ABCC5: variants seen among roughly 807,000 people sequenced by gnomAD.
ABCC5 encodes ATP binding cassette subfamily C member 5, also known as ATP-binding cassette sub-family C member 5.
A neutral mutation model predicts 160.9 loss-of-function variants in ABCC5; 61 were observed. The ratio of observed to expected loss-of-function variants is 0.38; its 90% CI spans 0.31 to 0.47. The LOEUF (loss-of-function observed/expected upper bound fraction) is 0.47, where lower values mean the gene tolerates loss of function less well. Among genes scored for constraint, ABCC5 ranks in the 20% least tolerant of loss-of-function variants. ABCC5 has a pLI of 0.99. For synonymous variants in ABCC5, 666 were observed against 700.6 expected, an observed-to-expected ratio of 0.95 and a Z score of 0.78; for missense variants, 1,308 against 1,813.3, an observed-to-expected ratio of 0.72 and a Z score of 5.06.
chr3:183,965,346 G>A, intron 13 of ABCC5, 31 bp downstream of exon 13: 1 of 1,614,160 alleles, frequency 6.2e-7, no homozygotes, highest in South Asian at 1.1e-5. Flanking sequence ...GGCCAAGATG[G>A]AAAGCATGAC....
In ABCC5 at chr3:183,978,546, A is replaced by T; in HGVS notation, c.1253T>A (p.Phe418Tyr). Reference protein sequence around the residue: ...IVVVIASVVTFSVHMTLGFDL... With the variant: ...IVVVIASVVTYSVHMTLGFDL... ...GAAGCCCAGGGTCATATGAACAGAG[A>T]AGGTCACCACGCTGGCAATCACCAC... The change falls in exon 9 of 30, where the codon TTC (phenylalanine) becomes TAC (tyrosine). Residue 418 changes from phenylalanine (F) to tyrosine (Y), a missense_variant. Coordinates refer to ENST00000334444, the MANE Select transcript of ABCC5 (RefSeq NM_005688.4). The T allele has an allele frequency of 6.2e-7, 1 of 1,614,154 alleles. No individual in the cohort carries two copies. The highest frequency in any genetic ancestry group is 8.5e-7 in the Non-Finnish European group (1 of 1,180,022).
At chr3:183,953,054 CACAGA>C (rs1715533248) in intron 18 of ABCC5, 27 bp downstream of exon 18, 2 of 1,595,424 alleles carry the variant, frequency 1.3e-6, no homozygotes, top group African/African-American at 2.7e-5. Context: ...CATTCTTAGA[CACAGA>C]ACTTTCCCAT....
In ABCC5 at chr3:183,978,529, G is replaced by C. The variant is rs747781456; in HGVS notation, c.1270C>G (p.Leu424Val). 37 of 1,613,912 alleles carry C rather than the reference G, an allele frequency of 2.3e-5. No individual in the cohort carries two copies. Among genetic ancestry groups the C allele is most frequent in the Admixed American group, 5.0e-5 (3 of 59,982 alleles). Residue 424 changes from leucine (L) to valine (V), a missense_variant, in exon 9 of 30, where the codon CTG becomes GTG. Coordinates refer to ENST00000334444, the MANE Select transcript of ABCC5 (RefSeq NM_005688.4). ...SVVTFSVHMTLGFDLTAAQAF... is the reference protein window; with the variant it reads ...SVVTFSVHMTVGFDLTAAQAF... The stretch of plus-strand genomic sequence containing the variant: ...TGTGCTGCTGTCAGATCGAAGCCCA[G>C]GGTCATATGAACAGAGAAGGTCACC...
chr3:183,981,059 C>T (rs145576465), intron 8 of ABCC5, among the ~76,000 whole-genome samples: 20 of 152,328 alleles, frequency 1.3e-4, no homozygotes, highest in Non-Finnish European at 2.2e-4. Context: ...GACTGTTTCA[C>T]AGCACTGGAC....
intron 2 of ABCC5, among the ~76,000 whole-genome samples, chr3:184,007,586 G>C (rs1031220852): frequency 2.6e-5 from 4 of 152,074 alleles, no homozygotes; most frequent in African/African-American, 7.2e-5. Context: ...AGCACTTTGA[G>C]AGGCTGAGGC....
intron 5 of ABCC5, chr3:183,985,013 A>ATG: frequency 1.2e-6 from 1 of 864,686 alleles, no homozygotes. Flanking sequence ...GGGAAGGTAA[A>ATG]AGACATAGTG....
Position 183,963,413 on chromosome 3 carries a change from G to A in ABCC5, c.2207C>T (p.Thr736Ile), listed in dbSNP as rs746538127. 1 of 1,614,124 alleles carries A rather than the reference G, an allele frequency of 6.2e-7. No individual in the cohort carries two copies. Among genetic ancestry groups the A allele is most frequent in the African/African-American group, 1.3e-5 (1 of 74,936 alleles). ...SAIRKHLKSK[T>I]VLFVTHQLQY... ...TAACTGGTGGGTAACAAACAGAACT[G>A]TCTTGGACTTGAGATGTTTCCGGAT... The change falls in exon 15 of 30, where the codon ACA becomes ATA. Residue 736 changes from threonine (T) to isoleucine (I), a missense_variant. This residue lies in a region of ABCC5 where 1,142 missense variants were observed against 1,527.1 expected (regional missense o/e 0.75). Coordinates refer to ENST00000334444, the MANE Select transcript of ABCC5 (RefSeq NM_005688.4). The surrounding 1 kb of genome is among the most constrained non-coding windows in gnomAD (Gnocchi z 4.6).
chr3:183,955,555 A>G (rs970903795), intron 17 of ABCC5, among the ~76,000 whole-genome samples: 1 of 152,286 alleles, frequency 6.6e-6, no homozygotes, highest in Non-Finnish European at 1.5e-5. Flanking sequence ...AGAAACAGCT[A>G]TACAGGAAGA....
At chr3:183,942,481 C>A (rs1320525543) in intron 25 of ABCC5, 1 of 648,432 alleles carries the variant, frequency 1.5e-6, no homozygotes, top group Admixed American at 2.1e-5. Context: ...GTGGGTGCTG[C>A]TCCTCTTTCG....
At chr3:184,006,560 G>A (rs1258643421) in intron 2 of ABCC5, 2 of 152,132 alleles carry the variant, frequency 1.3e-5, no homozygotes, top group Non-Finnish European at 2.9e-5. Context: ...AAAGTACAAT[G>A]TACTAGACAA....
chr3:183,967,542 T>G, intron 12 of ABCC5, 153 bp downstream of exon 12: 1 of 688,580 alleles, frequency 1.5e-6, no homozygotes, highest in Non-Finnish European at 2.6e-6. Context: ...GGGGGAGAAC[T>G]GGGGGGAACT....
rs1719480747 is a variant in ABCC5 at position 183,988,965 on chromosome 3, A to G, written c.288-238T>C. Among the ~76,000 whole-genome samples the G allele has an allele frequency of 6.6e-6, 1 of 151,962 alleles. No homozygotes were observed. The highest frequency in any genetic ancestry group is 2.4e-5 in the African/African-American group (1 of 41,342). ...CAGATCATGAGGTCAGGAGATTGAG[A>G]CTATCCTGGCCAATATGGTGTAACC... On this transcript the variant is annotated intron_variant, in intron 3 of 29. Coordinates refer to ENST00000334444, the MANE Select transcript of ABCC5 (RefSeq NM_005688.4). This position sits in a 1 kb window ranked among gnomAD's most constrained non-coding sequence, Gnocchi z 4.4.
At chr3:184,003,523 G>A (rs929718090) in intron 2 of ABCC5, among the ~76,000 whole-genome samples, 18 of 152,170 alleles carry the variant, frequency 1.2e-4, no homozygotes, top group African/African-American at 3.9e-4. Context: ...AAAAGAAAGA[G>A]CTATTATTCC....
chr3:183,986,422 C>T (rs1183927329), intron 5 of ABCC5: 1 of 152,160 alleles, frequency 6.6e-6, no homozygotes, highest in African/African-American at 2.4e-5. Flanking sequence ...GAGGTTAGTA[C>T]CCCAGTGTTC....
At chr3:183,945,982 A>G in intron 23 of ABCC5, 43 bp from the exon 24 acceptor site, 2 of 1,554,846 alleles carry the variant, frequency 1.3e-6, no homozygotes, top group Non-Finnish European at 1.8e-6. Flanking sequence ...TTCATTATCA[A>G]TACACGCCAG....
intron 25 of ABCC5, 136 bp from the exon 26 acceptor site, chr3:183,938,196 T>C (rs1334792908): frequency 2.4e-6 from 2 of 850,778 alleles, no homozygotes; most frequent in Non-Finnish European, 3.6e-6. Flanking sequence ...ACTGAGATAA[T>C]GTATAAAATG....
chr3:183,953,557 A>G (rs1715585737), intron 17 of ABCC5, among the ~76,000 whole-genome samples: 1 of 152,186 alleles, frequency 6.6e-6, no homozygotes, highest in Non-Finnish European at 1.5e-5. Flanking sequence ...AGGCAGATCA[A>G]TAATCACATA....
At chr3:183,945,466 G>T (rs1180218580) in intron 24 of ABCC5, among the ~76,000 whole-genome samples, 1 of 152,210 alleles carries the variant, frequency 6.6e-6, no homozygotes, top group Non-Finnish European at 1.5e-5. Context: ...GGCCACGTTT[G>T]TCCTGCCAAA....
chr3:183,951,394 A>G lies in ABCC5; in HGVS notation c.2944+47T>C. The G allele has an allele frequency of 6.2e-7, 1 of 1,602,498 alleles. No individual in the cohort carries two copies. Among genetic ancestry groups the G allele is most frequent in the East Asian group, 2.2e-5 (1 of 44,760 alleles). ...TTGGAGAATCATCTAGAAGGCTGGA[A>G]GCACAGTGAGCTCCAGAGTATTAAA... On this transcript the variant is annotated intron_variant, in intron 20 of 29. Coordinates refer to ENST00000334444, the MANE Select transcript of ABCC5 (RefSeq NM_005688.4). This position sits in a 1 kb window ranked among gnomAD's most constrained non-coding sequence, Gnocchi z 4.7.
Sources: gnomAD v4.1 joint callset for allele counts (sites outside exome capture counted in the v4.1 genomes callset) on GRCh38, gnomAD v4.1.1 for gene constraint, gnomAD v4.1.1 regional missense constraint, Gnocchi (gnomAD v3.1) non-coding constraint, MANE v1.5 for transcripts, NCBI Gene and HGNC (gene_info 2026-07-23, HGNC 2026-07-21) for gene names.